The following SPTSSA variants were observed in gnomAD, a reference collection of about 807,000 sequenced individuals.
SPTSSA encodes the protein serine palmitoyltransferase small subunit A.
In SPTSSA, 8 loss-of-function variants were observed where a neutral mutation model predicts 9.1. The ratio of observed to expected loss-of-function variants is 0.88; its 90% CI spans 0.51 to 1.58. SPTSSA has a LOEUF of 1.58. Among genes scored for constraint, SPTSSA ranks in the 40% most tolerant of loss-of-function variants. SPTSSA has a pLI of 0.00. For missense variants in SPTSSA, 100 were observed against 93.8 expected (o/e 1.07, Z -0.27); for synonymous variants, 42 against 37.7 (o/e 1.11, Z -0.41).
chr14:34,435,385 C>A, intron 1 of SPTSSA, 81 bp from the exon 2 acceptor site: 1 of 923,526 alleles, frequency 1.1e-6, no homozygotes, highest in Non-Finnish European at 1.7e-6. Context: ...CTCTTTTATG[C>A]TGAAGTACCC....
rs1016751769 is a variant in SPTSSA at position 34,432,825 on chromosome 14, T to C, written c.*2376A>G. 9.2e-5 allele frequency: 14 copies of C among 151,458 alleles called. No individual in the cohort carries two copies. Among genetic ancestry groups the C allele is most frequent in the Non-Finnish European group, 1.3e-4 (9 of 67,932 alleles). The allele number at this position is 151,458 out of a possible 1,614,324, so 9.4% of individuals were successfully genotyped here. On this transcript the variant is annotated 3_prime_UTR_variant, in exon 2 of 2. Transcript: ENST00000298130. ...TAAATAATTCTTTAATTAAGATAGG[T>C]ATATTGGGTGTTTTTTTTTTTTAGC...
intron 1 of SPTSSA, among the ~76,000 whole-genome samples, chr14:34,445,416 G>A (rs558047457): frequency 6.6e-6 from 1 of 152,158 alleles, no homozygotes; most frequent in East Asian, 1.9e-4. Flanking sequence ...CAGGAGAATT[G>A]CTTAAACCTG....
chr14:34,456,422 G>GA (rs1334090216), intron 1 of SPTSSA, among the ~76,000 whole-genome samples: 2 of 152,028 alleles, frequency 1.3e-5, no homozygotes, highest in African/African-American at 4.8e-5. Flanking sequence ...TTAAAAGTGG[G>GA]AAAAAAATGT....
chr14:34,435,425 A>C, intron 1 of SPTSSA, 121 bp from the exon 2 acceptor site: 1 of 596,402 alleles, frequency 1.7e-6, no homozygotes, highest in South Asian at 2.6e-5. Flanking sequence ...ATTTATATCA[A>C]GCACTGATAA....
intron 1 of SPTSSA, among the ~76,000 whole-genome samples, chr14:34,454,884 C>T (rs1198614380): frequency 1.3e-5 from 2 of 151,994 alleles, no homozygotes; most frequent in Non-Finnish European, 2.9e-5. Flanking sequence ...GTCAGGAGTT[C>T]GAGACCAGGC....
intron 1 of SPTSSA, among the ~76,000 whole-genome samples, chr14:34,436,005 T>C (rs1291719844): frequency 6.6e-6 from 1 of 152,164 alleles, no homozygotes; most frequent in African/African-American, 2.4e-5. Flanking sequence ...AAATTCTATT[T>C]AATTACTATA....
Position 34,434,072 on chromosome 14 carries a change from C to T in SPTSSA, c.*1129G>A, listed in dbSNP as rs557184157. The T allele has an allele frequency of 6.6e-6, 1 of 151,742 alleles. No homozygotes were observed. Among genetic ancestry groups the T allele is most frequent in the South Asian group, 2.1e-4 (1 of 4,808 alleles). The allele number at this position is 151,742 out of a possible 1,614,324, so 9.4% of individuals were successfully genotyped here. ...CATATAGGATAAGACATACTTACTGCTTATCTGGTCCTCCACAGAAAATAA... is the reference window on the plus strand; with the variant it reads ...CATATAGGATAAGACATACTTACTGTTTATCTGGTCCTCCACAGAAAATAA... On this transcript the variant is annotated 3_prime_UTR_variant, in exon 2 of 2. Coordinates refer to ENST00000298130, the MANE Select transcript of SPTSSA (RefSeq NM_138288.4).
At chr14:34,455,454 AAC>A (rs1458181599) in intron 1 of SPTSSA, among the ~76,000 whole-genome samples, 5 of 152,054 alleles carry the variant, frequency 3.3e-5, no homozygotes, top group African/African-American at 1.2e-4. Flanking sequence ...ATGCATAGGA[AAC>A]TGCTGACACT....
chr14:34,454,776 C>G (rs1050924173), intron 1 of SPTSSA, among the ~76,000 whole-genome samples: 8 of 152,300 alleles, frequency 5.3e-5, no homozygotes, highest in African/African-American at 1.9e-4. Context: ...TCCCACATTA[C>G]TTCCTAATCT....
intron 1 of SPTSSA, among the ~76,000 whole-genome samples, chr14:34,442,042 AT>A (rs1171218276): frequency 1.3e-5 from 2 of 151,872 alleles, no homozygotes. Context: ...TGCCCGGCTA[AT>A]TTTTGTATTT....
intron 1 of SPTSSA, among the ~76,000 whole-genome samples, chr14:34,451,241 C>A (rs181589322): frequency 6.6e-6 from 1 of 152,010 alleles, no homozygotes; most frequent in Non-Finnish European, 1.5e-5. Flanking sequence ...AGTTTCTCAC[C>A]GGGAAAAGGT....
intron 1 of SPTSSA, among the ~76,000 whole-genome samples, chr14:34,458,045 T>C (rs1423701766): frequency 6.6e-6 from 1 of 151,552 alleles, no homozygotes; most frequent in Non-Finnish European, 1.5e-5. Flanking sequence ...AGGAAGAATT[T>C]ACAAAACTTA....
chr14:34,445,809 G>A (rs114768891), intron 1 of SPTSSA, among the ~76,000 whole-genome samples: 447 of 152,266 alleles, frequency 2.9e-3, no homozygotes, highest in African/African-American at 0.01. Flanking sequence ...TAATGTCTAA[G>A]TATACGCTAT....
intron 1 of SPTSSA, among the ~76,000 whole-genome samples, chr14:34,451,584 G>A (rs531428224): frequency 0.011 from 1,650 of 152,020 alleles, 33 homozygotes; most frequent in African/African-American, 0.038. Flanking sequence ...TTAGCCGGGC[G>A]CGGTGGCGGG....
chr14:34,451,718 A>C (rs1326718341), intron 1 of SPTSSA, among the ~76,000 whole-genome samples: 1 of 104,074 alleles, frequency 9.6e-6, no homozygotes, highest in Non-Finnish European at 1.9e-5. Context: ...ACTCTGTTTC[A>C]AAAAAAAAAA....
At chr14:34,452,251 A>G (rs987214917) in intron 1 of SPTSSA, among the ~76,000 whole-genome samples, 4 of 151,380 alleles carry the variant, frequency 2.6e-5, no homozygotes, top group Non-Finnish European at 5.9e-5. Flanking sequence ...ATCTCAAAAA[A>G]AAAAAAAAAA....
intron 1 of SPTSSA, among the ~76,000 whole-genome samples, chr14:34,439,050 G>C (rs1276938313): frequency 6.6e-6 from 1 of 152,184 alleles, no homozygotes; most frequent in African/African-American, 2.4e-5. Context: ...TTTATTTGAA[G>C]GGGAGTGAGT....
intron 1 of SPTSSA, among the ~76,000 whole-genome samples, chr14:34,448,257 C>CAA (rs893373347): frequency 7.0e-6 from 1 of 142,848 alleles, no homozygotes; most frequent in Admixed American, 7.0e-5. Context: ...AACTCCATCT[C>CAA]AAAAAAAAAA....
intron 1 of SPTSSA, among the ~76,000 whole-genome samples, chr14:34,451,508 G>A (rs1009185222): frequency 6.6e-6 from 1 of 152,108 alleles, no homozygotes; most frequent in African/African-American, 2.4e-5. Flanking sequence ...CAGATCACGA[G>A]GTCAGGAGAT....
Sources: allele counts gnomAD v4.1 joint callset (sites outside exome capture counted in the v4.1 genomes callset), GRCh38; gene constraint gnomAD v4.1.1; transcripts MANE v1.5; gene names NCBI Gene and HGNC (gene_info 2026-07-23, HGNC 2026-07-21).